Variants in ABR observed in about 807,000 individuals in gnomAD.
The protein encoded by ABR is active breakpoint cluster region-related protein.
In ABR, 35 loss-of-function variants were observed where a neutral mutation model predicts 107.2. That is an observed-to-expected ratio of 0.33 (90% CI 0.25 to 0.43). ABR has a LOEUF of 0.43. ABR is among the 20% of genes least tolerant of loss of function. The probability of loss-of-function intolerance (pLI) is 1.00; values close to 1 mark genes in which losing one functional copy is unlikely to be tolerated. For synonymous variants in ABR, 498 were observed against 462.0 expected, an observed-to-expected ratio of 1.08 and a Z score of -1.00; for missense variants, 815 against 1,115.2, an observed-to-expected ratio of 0.73 and a Z score of 3.83.
At chr17:1,025,119 C>CAAAAAAAAAAAAAAAAAAA (rs71272843) in intron 16 of ABR, among the ~76,000 whole-genome samples, 3 of 37,706 alleles carry the variant, frequency 8.0e-5, no homozygotes, top group African/African-American at 2.6e-4. Flanking sequence ...GACTCCGTCT[C>CAAAAAAAAAAAAAAAAAAA]AAAAAAAAAA....
chr17:1,049,458 A>G (rs7222394), intron 16 of ABR, among the ~76,000 whole-genome samples: 22,145 of 152,012 alleles, frequency 0.15, 1,950 homozygotes, highest in African/African-American at 0.23. Context: ...GAGCCACCGC[A>G]CCCAGAAGCA....
At chr17:1,041,799 G>A (rs56030779) in intron 16 of ABR, among the ~76,000 whole-genome samples, 2 of 152,294 alleles carry the variant, frequency 1.3e-5, no homozygotes, top group Non-Finnish European at 2.9e-5. Flanking sequence ...GGGACCAGAG[G>A]TTGTTCCCGC....
At chr17:1,098,602 G>A (rs2037648097) in intron 3 of ABR, among the ~76,000 whole-genome samples, 3 of 152,282 alleles carry the variant, frequency 2.0e-5, no homozygotes, top group African/African-American at 4.8e-5. Context: ...AGCACTGATG[G>A]GCTGAGAGGC....
intron 16 of ABR, among the ~76,000 whole-genome samples, chr17:1,020,239 C>T (rs1414957125): frequency 4.6e-5 from 7 of 152,182 alleles, no homozygotes; most frequent in South Asian, 2.1e-4. Flanking sequence ...CGAGCCACCA[C>T]GCCCGGCTAA....
intron 1 of ABR, among the ~76,000 whole-genome samples, chr17:1,146,758 A>AC (rs138174837): frequency 2.4e-4 from 30 of 127,302 alleles, no homozygotes; most frequent in African/African-American, 3.8e-4. Context: ...CACCACTGCC[A>AC]CATGACACCA....
Position 1,153,534 on chromosome 17 carries a change from C to T in ABR, c.61+26133G>A, listed in dbSNP as rs12951243. The stretch of plus-strand genomic sequence containing the variant: ...GCACACCTGCGGGGAGGGCTGGGGA[C>T]CCAGGCACACCTGCGGGAGGGCTGG... On this transcript the variant is annotated intron_variant, in intron 1 of 22. Coordinates refer to ENST00000302538, the MANE Select transcript of ABR (RefSeq NM_021962.5). Among the ~76,000 whole-genome samples, 392 of 58,600 alleles carry T rather than the reference C, an allele frequency of 6.7e-3. 2 individuals are homozygous for T. The highest frequency in any genetic ancestry group is 0.013 in the Middle Eastern group (1 of 78). 38.4% of individuals were successfully genotyped at this position (58,600 alleles called of 152,430 possible).
chr17:1,093,619 G>A (rs2037186557), intron 3 of ABR, among the ~76,000 whole-genome samples: 1 of 152,182 alleles, frequency 6.6e-6, no homozygotes, highest in Non-Finnish European at 1.5e-5. Context: ...CATTCTAGCA[G>A]AGAATGGGTG....
At chr17:1,021,709 C>G (rs1311440422) in intron 16 of ABR, among the ~76,000 whole-genome samples, 1 of 151,510 alleles carries the variant, frequency 6.6e-6, no homozygotes, top group Admixed American at 6.6e-5. Flanking sequence ...GAGGCTGAGG[C>G]AGGAGAATCG....
upstream of ABR, among the ~76,000 whole-genome samples, chr17:1,180,052 T>TC (rs1555614480): frequency 2.4e-4 from 3 of 12,566 alleles, no homozygotes; most frequent in Non-Finnish European, 1.5e-4. Context: ...GGCGGGGCTT[T>TC]GGTGCGGGGG....
At chr17:1,190,931 G>T (rs2042417250), upstream of ABR, among the ~76,000 whole-genome samples, 1 of 152,200 alleles carries the variant, frequency 6.6e-6, no homozygotes, top group Admixed American at 6.5e-5. Flanking sequence ...TGATAGAAAT[G>T]GATTCTGGGC....
rs1399387381 is a variant in ABR, at chr17:1,013,091, C to CGGG, written c.1851+13_1851+14insCCC. The stretch of plus-strand genomic sequence containing the variant: ...CCCGGCTCACGCCACTGATCATTCC[C>CGGG]ATCCCCGGCTCACCCCGTTCATCTC... On this transcript the variant is annotated intron_variant, in intron 17 of 22. Transcript: ENST00000302538. The CGGG allele has an allele frequency of 6.2e-7, 1 of 1,613,882 alleles. No homozygotes were observed.
chr17:1,177,058 C>A (rs1229877092), intron 1 of ABR, among the ~76,000 whole-genome samples: 3 of 151,926 alleles, frequency 2.0e-5, no homozygotes, highest in African/African-American at 7.3e-5. Flanking sequence ...CTGGGTATAC[C>A]CCCTTTACAG....
chr17:1,117,380 T>C (rs1277467810), intron 2 of ABR, among the ~76,000 whole-genome samples: 5 of 60,614 alleles, frequency 8.2e-5, no homozygotes, highest in African/African-American at 2.4e-4. Context: ...CCTGAGTTCC[T>C]CCCAGCGTTA....
At chr17:1,060,266 C>T (rs1232796632) in intron 10 of ABR, among the ~76,000 whole-genome samples, 4 of 152,118 alleles carry the variant, frequency 2.6e-5, no homozygotes, top group Admixed American at 6.5e-5. Context: ...CAAAAACTAC[C>T]GGGCGTGGTG....
intron 3 of ABR, among the ~76,000 whole-genome samples, chr17:1,098,551 G>A (rs1007543450): frequency 6.6e-6 from 1 of 152,158 alleles, no homozygotes; most frequent in Admixed American, 6.5e-5. Context: ...TCAACCCACT[G>A]TACTGGTTTC....
At chr17:1,046,905 C>A (rs946605681) in intron 16 of ABR, among the ~76,000 whole-genome samples, 2 of 152,200 alleles carry the variant, frequency 1.3e-5, no homozygotes, top group Admixed American at 1.3e-4. Flanking sequence ...GGGAAGCGGC[C>A]TCCAGGAGCA....
In ABR at chr17:1,148,623, G is replaced by A. The variant is rs2151520880; in HGVS notation, c.62-23256C>T. Among the ~76,000 whole-genome samples, 1 of 152,308 alleles carries A rather than the reference G, an allele frequency of 6.6e-6. No individual in the cohort carries two copies. The highest frequency in any genetic ancestry group is 1.9e-4 in the East Asian group (1 of 5,170). ...CGGCATTAGGTTCTCGTAGGAGCGT[G>A]AGCCCTGTCGTGATCTGCGCGTGCG... On this transcript the variant is annotated intron_variant, in intron 1 of 22. Coordinates refer to ENST00000302538, the MANE Select transcript of ABR (RefSeq NM_021962.5). This position sits in a 1 kb window ranked among gnomAD's most constrained non-coding sequence, Gnocchi z 4.9.
chr17:1,136,777 G>A (rs1363885364), intron 1 of ABR, among the ~76,000 whole-genome samples: 2 of 152,148 alleles, frequency 1.3e-5, no homozygotes, highest in Non-Finnish European at 2.9e-5. Flanking sequence ...TTGGGCTCCG[G>A]CTCAGGGGAA....
intron 16 of ABR, among the ~76,000 whole-genome samples, chr17:1,030,862 CAG>C (rs2072672325): frequency 6.6e-6 from 1 of 152,260 alleles, no homozygotes; most frequent in Non-Finnish European, 1.5e-5. Context: ...ATTTGATCTG[CAG>C]AGTTATCGAG....
Sources: gnomAD v4.1 joint callset for allele counts (sites outside exome capture counted in the v4.1 genomes callset) on GRCh38, gnomAD v4.1.1 for gene constraint, Gnocchi (gnomAD v3.1) non-coding constraint, MANE v1.5 for transcripts, NCBI Gene and HGNC (gene_info 2026-07-23, HGNC 2026-07-21) for gene names.